Variants in MACC1 observed in about 807,000 individuals in gnomAD.
MACC1 encodes the protein metastasis-associated in colon cancer protein 1.
A neutral mutation model predicts 70.7 loss-of-function variants in MACC1; 79 were observed. That is an observed-to-expected ratio of 1.12 (90% CI 0.93 to 1.35). The LOEUF (loss-of-function observed/expected upper bound fraction) is 1.35. Among genes scored for constraint, MACC1 ranks in the 40% most tolerant of loss-of-function variants. The pLI is 0.00. For synonymous variants in MACC1, 361 were observed against 347.2 expected (o/e 1.04, Z -0.44); for missense variants, 1,106 against 978.1 (o/e 1.13, Z -1.74).
intron 5 of MACC1, among the ~76,000 whole-genome samples, chr7:20,156,145 T>C (rs772803894): frequency 2.3e-4 from 35 of 152,294 alleles, no homozygotes; most frequent in Non-Finnish European, 4.3e-4. Flanking sequence ...CTTTTTCAGC[T>C]TATCGGGTCG....
intron 1 of MACC1, among the ~76,000 whole-genome samples, chr7:20,184,231 G>T (rs571286260): frequency 1.3e-4 from 20 of 152,232 alleles, no homozygotes; most frequent in Non-Finnish European, 2.8e-4. Flanking sequence ...CACCCAAGCA[G>T]TGTCCCGAGA....
intron 1 of MACC1, among the ~76,000 whole-genome samples, chr7:20,190,155 A>G (rs921405225): frequency 6.6e-6 from 1 of 152,238 alleles, no homozygotes; most frequent in East Asian, 1.9e-4. Flanking sequence ...TCAGTCCACA[A>G]TGGAAAGCTA....
At chr7:20,167,236 C>A (rs1490804812) in intron 2 of MACC1, among the ~76,000 whole-genome samples, 1 of 151,660 alleles carries the variant, frequency 6.6e-6, no homozygotes, top group East Asian at 1.9e-4. Context: ...TGCTCTGTCG[C>A]CCAGGCTGGA....
chr7:20,213,770 G>A (rs1783030772), intron 1 of MACC1, among the ~76,000 whole-genome samples: 1 of 152,098 alleles, frequency 6.6e-6, no homozygotes, highest in Non-Finnish European at 1.5e-5. Context: ...TGGAGGGTGG[G>A]AGGAGGCAGA....
At chr7:20,149,318 A>C (rs1003716653) in intron 6 of MACC1, among the ~76,000 whole-genome samples, 1 of 152,194 alleles carries the variant, frequency 6.6e-6, no homozygotes, top group Non-Finnish European at 1.5e-5. Context: ...AAATTACTCA[A>C]AGTTATATAG....
intron 1 of MACC1, among the ~76,000 whole-genome samples, chr7:20,180,188 T>C (rs1301867040): frequency 6.6e-6 from 1 of 152,174 alleles, no homozygotes; most frequent in Admixed American, 6.5e-5. Flanking sequence ...CTCATGCCTG[T>C]AATCCCAGCA....
intron 6 of MACC1, among the ~76,000 whole-genome samples, chr7:20,150,841 G>T (rs142748663): frequency 1.8e-3 from 281 of 152,294 alleles, no homozygotes; most frequent in African/African-American, 6.5e-3. Context: ...GAGGTCAGGA[G>T]TTCGAGACCA....
chr7:20,158,874 G>T lies in MACC1; in HGVS notation c.1487C>A (p.Pro496Gln), dbSNP rs370752464. ...AGTAGTGATAGAGAACTGTGCAACT[G>T]GTTCACCATTGGGAGGCTCCACTTG... ...CVQVEPPNGEPVAQFSITTPD... is the reference protein window; with the variant it reads ...CVQVEPPNGEQVAQFSITTPD... The change falls in exon 5 of 7, where the codon CCA (proline) becomes CAA (glutamine). Residue 496 changes from proline (P) to glutamine (Q), a missense_variant. Physicochemically the swap from Pro to Gln is moderately conservative, Grantham distance 76 (BLOSUM62 -1). Coordinates refer to ENST00000400331, the MANE Select transcript of MACC1 (RefSeq NM_182762.4). The T allele has an allele frequency of 6.2e-7, 1 of 1,614,010 alleles. No homozygotes were observed. The highest frequency in any genetic ancestry group is 8.5e-7 in the Non-Finnish European group (1 of 1,180,002).
intron 1 of MACC1, among the ~76,000 whole-genome samples, chr7:20,214,897 C>T (rs1783046956): frequency 6.6e-6 from 1 of 152,036 alleles, no homozygotes; most frequent in African/African-American, 2.4e-5. Flanking sequence ...TGACCTTTTC[C>T]TGCCCATCTC....
At chr7:20,162,453 T>C (rs1023127790) in intron 3 of MACC1, among the ~76,000 whole-genome samples, 1 of 152,136 alleles carries the variant, frequency 6.6e-6, no homozygotes, top group African/African-American at 2.4e-5. Context: ...TATTTTAATA[T>C]TTACATAGAA....
chr7:20,161,670 G>C, intron 4 of MACC1, 78 bp downstream of exon 4: 2 of 814,914 alleles, frequency 2.5e-6, no homozygotes, highest in Non-Finnish European at 4.1e-6. Context: ...CATTTTCAGA[G>C]GTAGACCTTC....
Position 20,160,170 on chromosome 7 carries a change from G to C in MACC1, c.191C>G (p.Ala64Gly), listed in dbSNP as rs1206369735. ...TLRGNNASKV[A>G]NPFWNQLSAS... is the part of the protein sequence containing the mutation. ...AGACAGTTGATTCCAGAATGGATTT[G>C]CAACTTTGGAAGCATTATTACCACG... Residue 64 changes from alanine (A) to glycine (G), a missense_variant, in exon 5 of 7, where the codon GCA (alanine) becomes GGA (glycine). Physicochemically the swap from Ala to Gly is moderately conservative, Grantham distance 60 (BLOSUM62 0). Transcript: ENST00000400331. 1.2e-6 allele frequency: 2 copies of C among 1,611,122 alleles called. No homozygotes were observed. Among genetic ancestry groups the C allele is most frequent in the East Asian group, 4.5e-5 (2 of 44,866 alleles).
chr7:20,163,692 C>A (rs17142515), intron 3 of MACC1, among the ~76,000 whole-genome samples: 2,743 of 152,190 alleles, frequency 0.018, 79 homozygotes, highest in African/African-American at 0.062. Flanking sequence ...CATCCCATGA[C>A]AACATTGAAA....
chr7:20,179,980 A>T lies in MACC1; in HGVS notation c.-217-9202T>A, dbSNP rs548128321. ...CCCAGACATTTTTTTCTATTTTACTATGAGCTGTTTATTGATATTTTTAGG... is the reference window on the plus strand; with the variant it reads ...CCCAGACATTTTTTTCTATTTTACTTTGAGCTGTTTATTGATATTTTTAGG... On this transcript the variant is annotated intron_variant, in intron 1 of 6. Transcript: ENST00000400331. Among the ~76,000 whole-genome samples, 3 of 152,252 alleles carry T rather than the reference A, an allele frequency of 2.0e-5. No individual in the cohort carries two copies. The East Asian group carries it at 5.8e-4, about 29-fold the overall frequency.
chr7:20,181,965 G>C (rs1782515737), intron 1 of MACC1, among the ~76,000 whole-genome samples: 1 of 151,964 alleles, frequency 6.6e-6, no homozygotes, highest in Non-Finnish European at 1.5e-5. Flanking sequence ...TGATAGACTG[G>C]ATTAAGAAAA....
In MACC1 at chr7:20,160,082, A is replaced by C. The variant is rs1404608305; in HGVS notation, c.279T>G (p.Ile93Met). The change falls in exon 5 of 7, where the codon ATT (isoleucine) becomes ATG (methionine). Residue 93 changes from isoleucine (I) to methionine (M), a missense_variant. Coordinates refer to ENST00000400331, the MANE Select transcript of MACC1 (RefSeq NM_182762.4). ...QLRNNRKRNNISILKEDPFLF... is the reference protein window; with the variant it reads ...QLRNNRKRNNMSILKEDPFLF... ...GAAAAGGATCTTCCTTTAAGATGGA[A>C]ATATTATTTCTCTTCCTGTTATTTC... 3.1e-6 allele frequency: 5 copies of C among 1,611,130 alleles called. No individual in the cohort carries two copies. The highest frequency in any genetic ancestry group is 4.2e-6 in the Non-Finnish European group (5 of 1,179,170).
chr7:20,196,590 T>G (rs1562599894), intron 1 of MACC1, among the ~76,000 whole-genome samples: 1 of 151,486 alleles, frequency 6.6e-6, no homozygotes, highest in African/African-American at 2.4e-5. Context: ...CGGCCCATTT[T>G]ATATATATAT....
At chr7:20,206,524 T>A (rs1395012752) in intron 1 of MACC1, among the ~76,000 whole-genome samples, 1 of 152,160 alleles carries the variant, frequency 6.6e-6, no homozygotes, top group Non-Finnish European at 1.5e-5. Flanking sequence ...TTTCTCTGAT[T>A]AAACATTAAT....
In MACC1 at chr7:20,181,381, ATAT is replaced by A. The variant is rs549690720; in HGVS notation, c.-217-10606_-217-10604del. ...GAAATTCCACTGAATATTAGATTAA[ATAT>A]TATACATAAAATATTAACAAATAAA... On this transcript the variant is annotated intron_variant, in intron 1 of 6. Coordinates refer to ENST00000400331, the MANE Select transcript of MACC1 (RefSeq NM_182762.4). Among the ~76,000 whole-genome samples the A allele has an allele frequency of 3.3e-5, 5 of 152,210 alleles. No individual in the cohort carries two copies. In the South Asian group the frequency reaches 1.0e-3, roughly 32 times the overall value.
Sources: allele counts gnomAD v4.1 joint callset (sites outside exome capture counted in the v4.1 genomes callset), GRCh38; gene constraint gnomAD v4.1.1; transcripts MANE v1.5; gene names NCBI Gene and HGNC (gene_info 2026-07-23, HGNC 2026-07-21).